Variants in CEP162 observed in about 807,000 individuals in gnomAD.
CEP162 encodes the protein centrosomal protein of 162 kDa.
In CEP162, 141 loss-of-function variants were observed where a neutral mutation model predicts 169.2. The ratio of observed to expected loss-of-function variants is 0.83; its 90% CI spans 0.73 to 0.96. The LOEUF is 0.96. CEP162 is among the 40% of genes least tolerant of loss of function. CEP162 has a pLI of 0.00. For synonymous variants in CEP162, 540 were observed against 526.4 expected, an observed-to-expected ratio of 1.03 and a Z score of -0.35; for missense variants, 1,600 against 1,587.2, an observed-to-expected ratio of 1.01 and a Z score of -0.14.
At chr6:84,143,981 T>G (rs1303332609) in intron 25 of CEP162, among the ~76,000 whole-genome samples, 2 of 152,004 alleles carry the variant, frequency 1.3e-5, no homozygotes, top group African/African-American at 2.4e-5. Context: ...GCCTTTAGAA[T>G]CTTTTAATAA....
chr6:84,125,989 G>C (rs1019202336), intron 26 of CEP162, among the ~76,000 whole-genome samples: 4 of 151,978 alleles, frequency 2.6e-5, no homozygotes, highest in East Asian at 1.9e-4. Context: ...ATTAAGTATA[G>C]TAATATTACT....
intron 3 of CEP162, among the ~76,000 whole-genome samples, chr6:84,220,739 G>T (rs2099553387): frequency 6.6e-6 from 1 of 151,964 alleles, no homozygotes; most frequent in Non-Finnish European, 1.5e-5. Context: ...TTAATATACT[G>T]CCAGAATATC....
rs146324049 is a variant in CEP162, at chr6:84,224,324, G to A, written c.57+2013C>T. Among the ~76,000 whole-genome samples the A allele has an allele frequency of 9.8e-5, 15 of 152,306 alleles. No homozygotes were observed. In the East Asian group the frequency reaches 2.9e-3, roughly 29 times the overall value. ...ATATATAATACAATTTCTATGAAAT[G>A]TCTGTAACAGGCAAACATTTAGAGA... On this transcript the variant is annotated intron_variant, in intron 2 of 26. Transcript: ENST00000403245.
intron 16 of CEP162, among the ~76,000 whole-genome samples, chr6:84,173,546 C>T (rs2099531050): frequency 6.6e-6 from 1 of 152,144 alleles, no homozygotes; most frequent in Admixed American, 6.6e-5. Context: ...AGACTCAAAA[C>T]CACATTTTTC....
At chr6:84,198,397 C>T (rs1180933924) in intron 9 of CEP162, among the ~76,000 whole-genome samples, 1 of 152,134 alleles carries the variant, frequency 6.6e-6, no homozygotes, top group African/African-American at 2.4e-5. Context: ...CCTGCCTCAG[C>T]CTTCTGCGTA....
At position 84,204,034 on chromosome 6, in the gene CEP162, C is replaced by G. The variant is rs1043700126; in HGVS notation, c.634G>C (p.Glu212Gln). The G allele has an allele frequency of 4.3e-6, 7 of 1,610,366 alleles. No homozygotes were observed. ...VGAPLTTKDE[E>Q]MPSKENSKSE... ...TTGGAATTCTCTTTGGAAGGCATCT[C>G]TTCATCTTTAGTAGTCAACGGTGCA... is the stretch of plus-strand genomic sequence containing the variant. Residue 212 changes from glutamate (E) to glutamine (Q), a missense_variant, in exon 7 of 27, where the codon GAG becomes CAG. Glu to Gln is a conservative substitution (Grantham distance 29). Transcript: ENST00000403245.
chr6:84,204,036 T>C lies in CEP162; in HGVS notation c.632A>G (p.Glu211Gly). 1 of 1,611,002 alleles carries C rather than the reference T, an allele frequency of 6.2e-7. No homozygotes were observed. The highest frequency in any genetic ancestry group is 1.1e-5 in the South Asian group (1 of 90,496). Residue 211 changes from glutamate to glycine, a missense_variant, in exon 7 of 27, where the codon GAA (glutamate) becomes GGA (glycine). Coordinates refer to ENST00000403245, the MANE Select transcript of CEP162 (RefSeq NM_014895.4). ...YVGAPLTTKD[E>G]EMPSKENSKS... The stretch of plus-strand genomic sequence containing the variant: ...GGAATTCTCTTTGGAAGGCATCTCT[T>C]CATCTTTAGTAGTCAACGGTGCACC...
At position 84,192,263 on chromosome 6, in the gene CEP162, G is replaced by C. The variant is rs186220682; in HGVS notation, c.1109+1346C>G. Among the ~76,000 whole-genome samples the C allele has an allele frequency of 3.3e-3, 498 of 152,230 alleles. 5 individuals are homozygous for C. The highest frequency in any genetic ancestry group is 0.011 in the African/African-American group (464 of 41,542). ...ATCATATTACTGACATTTCTATTACGTATGATTACTGTTATACCTTCAAAA... is the reference window on the plus strand; with the variant it reads ...ATCATATTACTGACATTTCTATTACCTATGATTACTGTTATACCTTCAAAA... On this transcript the variant is annotated intron_variant, in intron 11 of 26. Coordinates refer to ENST00000403245, the MANE Select transcript of CEP162 (RefSeq NM_014895.4).
At chr6:84,135,989 ACTTACTT>A (rs1277767768) in intron 25 of CEP162, among the ~76,000 whole-genome samples, 3 of 152,232 alleles carry the variant, frequency 2.0e-5, no homozygotes, top group Non-Finnish European at 2.9e-5. Flanking sequence ...AATTGTGAGT[ACTTACTT>A]AATCTAGAGG....
chr6:84,223,610 G>A (rs2099554600), intron 2 of CEP162, among the ~76,000 whole-genome samples: 1 of 150,244 alleles, frequency 6.7e-6, no homozygotes, highest in African/African-American at 2.5e-5. Flanking sequence ...AGGATATGGA[G>A]AAACTGGAAC....
intron 9 of CEP162, among the ~76,000 whole-genome samples, chr6:84,199,325 C>T (rs1176223680): frequency 2.0e-5 from 3 of 151,760 alleles, no homozygotes; most frequent in Non-Finnish European, 2.9e-5. Flanking sequence ...ATTTTTTTAC[C>T]TTTATATTTT....
intron 11 of CEP162, among the ~76,000 whole-genome samples, chr6:84,190,529 C>T (rs934182509): frequency 7.2e-5 from 11 of 152,182 alleles, no homozygotes; most frequent in Admixed American, 7.2e-4. Flanking sequence ...CAAAGATCTG[C>T]AGCTTCACTC....
intron 18 of CEP162, 25 bp from the exon 19 acceptor site, chr6:84,163,295 A>G: frequency 6.4e-7 from 1 of 1,562,580 alleles, no homozygotes; most frequent in Non-Finnish European, 8.8e-7. Flanking sequence ...GAAATATAAA[A>G]GCAAGTTTTT....
intron 5 of CEP162, among the ~76,000 whole-genome samples, chr6:84,213,582 C>T (rs1046251577): frequency 2.6e-5 from 4 of 152,124 alleles, no homozygotes; most frequent in African/African-American, 9.7e-5. Flanking sequence ...ATCAGTTCTA[C>T]CTTTTCAGTC....
chr6:84,217,023 G>A (rs926938356), intron 3 of CEP162, among the ~76,000 whole-genome samples: 1 of 152,104 alleles, frequency 6.6e-6, no homozygotes, highest in African/African-American at 2.4e-5. Context: ...GACAAACTAT[G>A]TACCTAGAAC....
Position 84,124,782 on chromosome 6 carries a change from A to G in CEP162, c.*288T>C. On this transcript the variant is annotated 3_prime_UTR_variant, in exon 27 of 27. Transcript: ENST00000403245. ...ATAAAAATGTGGCGGAGTATGTTCA[A>G]TTTTCTTTTCTTTCTATTTCTAGCA... The G allele has an allele frequency of 2.7e-6, 1 of 369,356 alleles. No individual in the cohort carries two copies. The highest frequency in any genetic ancestry group is 4.8e-6 in the Non-Finnish European group (1 of 208,090). The allele number at this position is 369,356 out of a possible 1,614,324, so 22.9% of individuals were successfully genotyped here.
intron 6 of CEP162, among the ~76,000 whole-genome samples, chr6:84,209,531 C>T (rs992460564): frequency 3.9e-5 from 6 of 152,044 alleles, no homozygotes; most frequent in East Asian, 3.9e-4. Flanking sequence ...CCCGCCACCA[C>T]GCCCGGCTAA....
intron 12 of CEP162, 148 bp downstream of exon 12, chr6:84,186,181 ACAT>A: frequency 2.0e-6 from 1 of 506,108 alleles, no homozygotes; most frequent in Non-Finnish European, 3.5e-6. Context: ...ATTGTAACAA[ACAT>A]CACTCACAAA....
At chr6:84,159,146 G>C (rs1022771546) in intron 21 of CEP162, among the ~76,000 whole-genome samples, 6 of 151,430 alleles carry the variant, frequency 4.0e-5, no homozygotes, top group Middle Eastern at 7.4e-3. Flanking sequence ...TATGTATTAA[G>C]TTTTAAAATA....
Sources: gnomAD v4.1 joint callset for allele counts (sites outside exome capture counted in the v4.1 genomes callset) on GRCh38, gnomAD v4.1.1 for gene constraint, MANE v1.5 for transcripts, NCBI Gene and HGNC (gene_info 2026-07-23, HGNC 2026-07-21) for gene names.